The following GABRG3 variants were observed in gnomAD, a reference collection of about 807,000 sequenced individuals.
The protein encoded by GABRG3 is gamma-aminobutyric acid type A receptor subunit gamma3, also known as gamma-aminobutyric acid receptor subunit gamma-3.
A neutral mutation model predicts 48.8 loss-of-function variants in GABRG3; 25 were observed. The observed-to-expected ratio is 0.51, with a 90% CI of 0.37 to 0.72. The LOEUF (loss-of-function observed/expected upper bound fraction) is 0.72, where lower values mean the gene tolerates loss of function less well. Ranked by LOEUF, GABRG3 falls within the 30% of genes least tolerant of loss-of-function variation. GABRG3 has a pLI of 0.00. For missense variants in GABRG3, 394 were observed against 577.9 expected (o/e 0.68, Z 3.26); for synonymous variants, 227 against 217.6 (o/e 1.04, Z -0.38).
At chr15:27,038,557 G>A (rs980995245) in intron 3 of GABRG3, among the ~76,000 whole-genome samples, 2 of 152,156 alleles carry the variant, frequency 1.3e-5, no homozygotes, top group South Asian at 2.1e-4. Context: ...GGACACCACC[G>A]GCTTCCCTTC....
chr15:27,480,963 A>AG, intron 6 of GABRG3, 176 bp downstream of exon 6: 1 of 1,390,454 alleles, frequency 7.2e-7, no homozygotes, highest in South Asian at 1.9e-5. Flanking sequence ...GGTATGGGAG[A>AG]GGGATGTTAG....
Position 27,152,394 on chromosome 15 carries a change from T to A in GABRG3, c.270+125573T>A, listed in dbSNP as rs140102274. 7.4e-4 allele frequency among the ~76,000 whole-genome samples: 112 copies of A among 152,330 alleles called. 1 individual carries two copies. The highest frequency in any genetic ancestry group is 2.6e-3 in the African/African-American group (110 of 41,580). Reference sequence around the variant, plus strand: ...TTTGTTTACCATAGTTATTAAAAATTCTTGAATTAGGTAAATTCATTCTTC... The same window carrying A: ...TTTGTTTACCATAGTTATTAAAAATACTTGAATTAGGTAAATTCATTCTTC... On this transcript the variant is annotated intron_variant, in intron 3 of 9. Transcript: ENST00000615808.
intron 5 of GABRG3, among the ~76,000 whole-genome samples, chr15:27,418,531 C>T (rs1046300144): frequency 6.6e-6 from 1 of 152,182 alleles, no homozygotes; most frequent in African/African-American, 2.4e-5. Context: ...GTCACTGATT[C>T]AGCTGCCACT....
In GABRG3 at chr15:27,265,440, C is replaced by T. The variant is rs183542846; in HGVS notation, c.271-61369C>T. 1.1e-3 allele frequency among the ~76,000 whole-genome samples: 173 copies of T among 152,318 alleles called. 2 individuals are homozygous for T. Among genetic ancestry groups the T allele is most frequent in the African/African-American group, 3.9e-3 (161 of 41,566 alleles). On this transcript the variant is annotated intron_variant, in intron 3 of 9. Coordinates refer to ENST00000615808, the MANE Select transcript of GABRG3 (RefSeq NM_033223.5). Reference sequence around the variant, plus strand: ...AATAAAAATCCTTTATCTAAATACTCATTTTTCCTTAAAACTCTAAGCCTT... The same window carrying T: ...AATAAAAATCCTTTATCTAAATACTTATTTTTCCTTAAAACTCTAAGCCTT...
chr15:27,313,157 A>G (rs1172148954), intron 3 of GABRG3, among the ~76,000 whole-genome samples: 1 of 145,462 alleles, frequency 6.9e-6, no homozygotes, highest in Non-Finnish European at 1.5e-5. Context: ...ATGTAATGAT[A>G]AAAGAGTCAA....
intron 3 of GABRG3, among the ~76,000 whole-genome samples, chr15:27,113,007 T>A (rs1897580414): frequency 6.6e-6 from 1 of 152,228 alleles, no homozygotes; most frequent in Non-Finnish European, 1.5e-5. Context: ...GATTTTCCTT[T>A]ATAGAATTCC....
At chr15:27,393,985 G>T (rs2140579564) in intron 5 of GABRG3, among the ~76,000 whole-genome samples, 1 of 152,290 alleles carries the variant, frequency 6.6e-6, no homozygotes, top group East Asian at 1.9e-4. Flanking sequence ...TCAGTCTAAA[G>T]TGAATCTCTT....
chr15:27,157,394 G>A (rs1026005806), intron 3 of GABRG3, among the ~76,000 whole-genome samples: 17 of 152,186 alleles, frequency 1.1e-4, no homozygotes, highest in Non-Finnish European at 4.4e-5. Context: ...AGAAAAGCCA[G>A]TAATCATTTG....
In GABRG3 at chr15:27,283,115, G is replaced by A. The variant is rs563243922; in HGVS notation, c.271-43694G>A. On this transcript the variant is annotated intron_variant, in intron 3 of 9. Transcript: ENST00000615808. The stretch of plus-strand genomic sequence containing the variant: ...GGCTGCGCATTCACCCCCAACCCAC[G>A]TCATCCTCTTGGCAAGGTGGAGGGC... Among the ~76,000 whole-genome samples, 91 of 152,304 alleles carry A rather than the reference G, an allele frequency of 6.0e-4. 4 individuals are homozygous for A. Among genetic ancestry groups the A allele is most frequent in the Admixed American group, 5.1e-3 (78 of 15,288 alleles).
rs1894962592 is a variant in GABRG3, at chr15:26,977,013, T to G, written c.65T>G (p.Val22Gly). The part of the protein sequence containing the change: ...FSGLHARSRK[V>G]EEDEYEDSSS... ...TGCTGTAACTCCAGGTCCAGAAAGGTGGAAGAGGATGAATATGAAGATTCA... is the reference window on the plus strand; with the variant it reads ...TGCTGTAACTCCAGGTCCAGAAAGGGGGAAGAGGATGAATATGAAGATTCA... Residue 22 changes from valine to glycine, a missense_variant, in exon 2 of 10, where the codon GTG becomes GGG. Physicochemically the swap from Val to Gly is moderately radical, Grantham distance 109. This residue lies in a region of GABRG3 where 218 missense variants were observed against 309.9 expected (regional missense o/e 0.70). Coordinates refer to ENST00000615808, the MANE Select transcript of GABRG3 (RefSeq NM_033223.5). The G allele has an allele frequency of 6.2e-7, 1 of 1,613,642 alleles. No individual in the cohort carries two copies. Among genetic ancestry groups the G allele is most frequent in the Admixed American group, 1.7e-5 (1 of 59,934 alleles).
At chr15:27,149,049 G>A (rs979584189) in intron 3 of GABRG3, among the ~76,000 whole-genome samples, 1 of 151,984 alleles carries the variant, frequency 6.6e-6, no homozygotes, top group Non-Finnish European at 1.5e-5. Context: ...TTGGAAAGAA[G>A]GAAGTAAAAC....
intron 3 of GABRG3, among the ~76,000 whole-genome samples, chr15:27,043,951 G>A (rs1041398170): frequency 2.0e-5 from 3 of 152,162 alleles, no homozygotes; most frequent in African/African-American, 7.2e-5. Context: ...CAGGCTGTCG[G>A]GCTGAGAGTC....
At chr15:27,193,236 G>T (rs1888386210) in intron 3 of GABRG3, among the ~76,000 whole-genome samples, 1 of 152,178 alleles carries the variant, frequency 6.6e-6, no homozygotes, top group South Asian at 2.1e-4. Context: ...GAGAACCACT[G>T]CTCTCTTCAA....
intron 5 of GABRG3, among the ~76,000 whole-genome samples, chr15:27,443,384 T>C (rs1163575493): frequency 1.8e-4 from 27 of 152,214 alleles, no homozygotes; most frequent in Admixed American, 1.8e-3. Context: ...TTCTAAACAG[T>C]GTTCAGTATA....
chr15:27,253,403 G>A lies in GABRG3; in HGVS notation c.271-73406G>A, dbSNP rs537589929. 7.2e-5 allele frequency among the ~76,000 whole-genome samples: 11 copies of A among 152,306 alleles called. No individual in the cohort carries two copies. The South Asian group carries it at 2.3e-3, about 32-fold the overall frequency. On this transcript the variant is annotated intron_variant, in intron 3 of 9. Transcript: ENST00000615808. ...CCTCTCCTTCTGCCTTAGCGTGGAG[G>A]CTGCTTGCTCTTCCCTCCCCAAGCT...
chr15:27,145,822 A>G (rs932089869), intron 3 of GABRG3, among the ~76,000 whole-genome samples: 1 of 152,146 alleles, frequency 6.6e-6, no homozygotes, highest in Non-Finnish European at 1.5e-5. Context: ...AGTTTAATCA[A>G]TCTGACAAAA....
At chr15:27,004,174 GCTC>G (rs1440189607) in intron 2 of GABRG3, among the ~76,000 whole-genome samples, 2 of 150,114 alleles carry the variant, frequency 1.3e-5, no homozygotes, top group Non-Finnish European at 3.0e-5. Flanking sequence ...GGGCGGAGAG[GCTC>G]CTCACTTCCC....
rs1894667777 is a variant in GABRG3, at chr15:27,352,761, G to A, written c.574+23873G>A. Among the ~76,000 whole-genome samples the A allele has an allele frequency of 6.6e-6, 1 of 152,106 alleles. No homozygotes were observed. The highest frequency in any genetic ancestry group is 1.5e-5 in the Non-Finnish European group (1 of 68,018). ...GTCTTCCCCATATGCCACGTTTCACGCAGATGCATGGGGTGATATAGCGCA... is the reference window on the plus strand; with the variant it reads ...GTCTTCCCCATATGCCACGTTTCACACAGATGCATGGGGTGATATAGCGCA... On this transcript the variant is annotated intron_variant, in intron 5 of 9. Coordinates refer to ENST00000615808, the MANE Select transcript of GABRG3 (RefSeq NM_033223.5). The surrounding 1 kb of genome is among the most constrained non-coding windows in gnomAD (Gnocchi z 4.0).
chr15:27,512,224 ATAT>A (rs1323763872), intron 6 of GABRG3, among the ~76,000 whole-genome samples: 2 of 152,208 alleles, frequency 1.3e-5, no homozygotes, highest in African/African-American at 4.8e-5. Context: ...TATTGCAATA[ATAT>A]TATATTGTAT....
Sources: allele counts gnomAD v4.1 joint callset (sites outside exome capture counted in the v4.1 genomes callset), GRCh38; gene constraint gnomAD v4.1.1; regional missense constraint gnomAD v4.1.1; non-coding constraint Gnocchi (gnomAD v3.1); transcripts MANE v1.5; gene names NCBI Gene and HGNC (gene_info 2026-07-23, HGNC 2026-07-21).